The following STK3 variants were observed in gnomAD, a reference collection of about 807,000 sequenced individuals.
STK3 encodes serine/threonine kinase 3, also known as serine/threonine-protein kinase 3.
Under a neutral mutation model 58.0 loss-of-function variants are expected in STK3, and 41 were observed. That is an observed-to-expected ratio of 0.71 (90% CI 0.55 to 0.92). STK3 has a LOEUF of 0.92. Among genes scored for constraint, STK3 ranks in the 40% least tolerant of loss-of-function variants. The probability of loss-of-function intolerance (pLI) is 0.00; values close to 1 mark genes in which losing one functional copy is unlikely to be tolerated. For synonymous variants in STK3, 170 were observed against 191.0 expected (o/e 0.89, Z 0.91); for missense variants, 479 against 602.7 (o/e 0.79, Z 2.15).
chr8:98,770,224 G>A (rs959018188), intron 2 of STK3, among the ~76,000 whole-genome samples: 3 of 152,240 alleles, frequency 2.0e-5, no homozygotes, highest in Non-Finnish European at 2.9e-5. Flanking sequence ...GCAGCATGCA[G>A]TGGTCCTCCA....
intron 3 of STK3, among the ~76,000 whole-genome samples, chr8:98,422,782 C>T (rs933019104): frequency 6.6e-6 from 1 of 152,204 alleles, no homozygotes; most frequent in South Asian, 2.1e-4. Context: ...GGTGCAGACT[C>T]ATGGACACAC....
chr8:98,376,139 T>C (rs1305854749), intron 2 of STK3, among the ~76,000 whole-genome samples: 1 of 152,202 alleles, frequency 6.6e-6, no homozygotes, highest in Non-Finnish European at 1.5e-5. Flanking sequence ...TGGTATCTTG[T>C]AGTGGTTTTA....
chr8:98,571,403 G>C (rs1025691444), intron 8 of STK3, among the ~76,000 whole-genome samples: 1 of 152,062 alleles, frequency 6.6e-6, no homozygotes, highest in Non-Finnish European at 1.5e-5. Flanking sequence ...GAAGGCGGGG[G>C]AAGTTTCTGT....
intron 1 of STK3, among the ~76,000 whole-genome samples, chr8:98,441,943 A>G (rs981287706): frequency 6.6e-6 from 1 of 152,102 alleles, no homozygotes; most frequent in Non-Finnish European, 1.5e-5. Context: ...AGCTGCCCCC[A>G]GGATACCTGC....
intron 4 of STK3, among the ~76,000 whole-genome samples, chr8:98,743,102 C>T (rs896648207): frequency 1.3e-5 from 2 of 151,970 alleles, no homozygotes; most frequent in Non-Finnish European, 2.9e-5. Flanking sequence ...AATGGAAGAA[C>T]ATTCCATGCT....
intron 1 of STK3, among the ~76,000 whole-genome samples, chr8:98,906,755 T>C (rs975370155): frequency 1.3e-5 from 2 of 152,218 alleles, no homozygotes; most frequent in African/African-American, 4.8e-5. Context: ...GTGTCTTCCA[T>C]CACCTCTAAA....
chr8:98,429,764 C>T (rs111485107), intron 3 of STK3: 17 of 210,054 alleles, frequency 8.1e-5, no homozygotes, highest in Admixed American at 1.6e-4. Flanking sequence ...TATGAGTTGT[C>T]GTGCTCCTGT....
downstream of STK3, among the ~76,000 whole-genome samples, chr8:98,369,221 A>C (rs569389347): frequency 6.6e-6 from 1 of 152,212 alleles, no homozygotes; most frequent in Non-Finnish European, 1.5e-5. Context: ...CCCTAATTGC[A>C]TAATTGCAGC....
intron 4 of STK3, among the ~76,000 whole-genome samples, chr8:98,711,728 G>A (rs1463164900): frequency 6.6e-6 from 1 of 152,190 alleles, no homozygotes; most frequent in Non-Finnish European, 1.5e-5. Flanking sequence ...TCATCCAGGA[G>A]AACTTCCTCA....
the STK3 span, among the ~76,000 whole-genome samples, chr8:98,347,774 C>A: frequency 6.6e-6 from 1 of 152,166 alleles, no homozygotes; most frequent in African/African-American, 2.4e-5. Flanking sequence ...TGTTAAGATA[C>A]AAATAGATTA....
At chr8:98,872,409 G>A (rs909045041) in intron 3 of STK3, among the ~76,000 whole-genome samples, 1 of 152,170 alleles carries the variant, frequency 6.6e-6, no homozygotes, top group Non-Finnish European at 1.5e-5. Context: ...AGTAGTTTCA[G>A]AAGGAATGGT....
At chr8:98,568,663 A>C (rs190694833) in intron 8 of STK3, among the ~76,000 whole-genome samples, 26 of 152,332 alleles carry the variant, frequency 1.7e-4, no homozygotes, top group Non-Finnish European at 1.5e-5. Context: ...ACTCAAAATA[A>C]TAATAATGAA....
chr8:98,674,766 C>A (rs925124489), intron 6 of STK3, among the ~76,000 whole-genome samples: 8 of 152,202 alleles, frequency 5.3e-5, no homozygotes, highest in Admixed American at 3.3e-4. Flanking sequence ...GAGAATAATT[C>A]GTATCTTCCG....
At chr8:98,921,270 A>T (rs1185818135) in intron 1 of STK3, 1 of 152,094 alleles carries the variant, frequency 6.6e-6, no homozygotes, top group South Asian at 2.1e-4. Flanking sequence ...TTCAAAAAAA[A>T]AAAAAACATA....
At chr8:98,730,516 A>G (rs1223069772) in intron 4 of STK3, among the ~76,000 whole-genome samples, 1 of 152,070 alleles carries the variant, frequency 6.6e-6, no homozygotes, top group Non-Finnish European at 1.5e-5. Flanking sequence ...TCAGGAGTTC[A>G]AGACCAGCCT....
chr8:98,553,557 T>C (rs1811359331), intron 8 of STK3, among the ~76,000 whole-genome samples: 1 of 152,178 alleles, frequency 6.6e-6, no homozygotes, highest in African/African-American at 2.4e-5. Flanking sequence ...ATTAAAGATA[T>C]TATACTTTGG....
Position 98,871,107 on chromosome 8 carries a change from T to A in STK3, c.110+12540A>T, listed in dbSNP as rs185104097. Among the ~76,000 whole-genome samples the A allele has an allele frequency of 4.3e-4, 65 of 152,356 alleles. 1 individual carries two copies. Among genetic ancestry groups the A allele is most frequent in the Admixed American group, 3.7e-3 (57 of 15,306 alleles). On this transcript the variant is annotated intron_variant, in intron 3 of 12. Coordinates refer to the STK3 transcript ENST00000523601. ...ACCATTTATTAAATAGGGAATCCTT[T>A]CCCCATTTCTTGTTTTTGTCATGTT...
At chr8:98,856,995 C>T (rs908027189) in intron 3 of STK3, among the ~76,000 whole-genome samples, 36 of 152,104 alleles carry the variant, frequency 2.4e-4, no homozygotes, top group African/African-American at 8.0e-4. Context: ...TATAAAAGTC[C>T]GGAATAGAGA....
intron 1 of STK3, among the ~76,000 whole-genome samples, chr8:98,449,031 T>C (rs1227604430): frequency 6.6e-6 from 1 of 152,146 alleles, no homozygotes; most frequent in Non-Finnish European, 1.5e-5. Flanking sequence ...TCAGTTTTTG[T>C]GTTAATGTGA....
Sources: gnomAD v4.1 joint callset for allele counts (sites outside exome capture counted in the v4.1 genomes callset) on GRCh38, gnomAD v4.1.1 for gene constraint, MANE v1.5 for transcripts, NCBI Gene and HGNC (gene_info 2026-07-23, HGNC 2026-07-21) for gene names.